Variants in IL1RAPL2 observed in about 807,000 individuals in gnomAD.
IL1RAPL2 encodes X-linked interleukin-1 receptor accessory protein-like 2.
IL1RAPL2 carries 3 observed loss-of-function variants against 44.1 expected under a neutral mutation model. That is an observed-to-expected ratio of 0.07 (90% CI 0.03 to 0.18). The LOEUF (loss-of-function observed/expected upper bound fraction) is 0.18. IL1RAPL2 is among the 10% of genes least tolerant of loss of function. The pLI, the probability that IL1RAPL2 is intolerant of heterozygous loss-of-function variation, is 1.00. For missense variants in IL1RAPL2, 391 were observed against 496.4 expected (o/e 0.79, Z 2.02); for synonymous variants, 181 against 178.8 (o/e 1.01, Z -0.10).
At chrX:105,450,906 G>A (rs2036014802) in intron 5 of IL1RAPL2, among the ~76,000 whole-genome samples, 1 of 95,357 alleles carries the variant, frequency 1.0e-5, no homozygotes, top group Non-Finnish European at 1.9e-5. Flanking sequence ...TCTTAGGTCC[G>A]AGTGTGTGTG....
chrX:105,082,171 C>G (rs750244549), intron 2 of IL1RAPL2, among the ~76,000 whole-genome samples: 13 of 111,458 alleles, frequency 1.2e-4, no homozygotes, highest in African/African-American at 4.2e-4. Flanking sequence ...TTGCTCTACT[C>G]GGAGATCCAA....
intron 2 of IL1RAPL2, among the ~76,000 whole-genome samples, chrX:104,728,364 T>C (rs1931838170): frequency 9.0e-6 from 1 of 111,133 alleles, no homozygotes; most frequent in Non-Finnish European, 1.9e-5. Flanking sequence ...ACAGTGAAAT[T>C]GGTAAATAGA....
intron 6 of IL1RAPL2, among the ~76,000 whole-genome samples, chrX:105,512,121 G>C (rs2036474852): frequency 1.8e-5 from 2 of 111,178 alleles, no homozygotes; most frequent in African/African-American, 6.5e-5. Flanking sequence ...ATTTCTGGGT[G>C]AAAAACTGTC....
chrX:104,981,590 C>T (rs2030440755), intron 2 of IL1RAPL2, among the ~76,000 whole-genome samples: 1 of 110,394 alleles, frequency 9.1e-6, no homozygotes, highest in Non-Finnish European at 1.9e-5. Context: ...CCTGATTTAT[C>T]TGGTTAGGAC....
intron 2 of IL1RAPL2, among the ~76,000 whole-genome samples, chrX:104,880,293 A>T (rs1014411949): frequency 9.0e-6 from 1 of 111,202 alleles, no homozygotes; most frequent in Non-Finnish European, 1.9e-5. Flanking sequence ...TCTATAAGAC[A>T]GCCCTGCCAG....
Position 104,699,952 on chromosome X carries a change from G to A in IL1RAPL2, c.82+40957G>A, listed in dbSNP as rs181785495. On this transcript the variant is annotated intron_variant, in intron 2 of 10. Coordinates refer to ENST00000372582, the MANE Select transcript of IL1RAPL2 (RefSeq NM_017416.2). ...ATTTTAAGAAATTGTTGAGGAAGTTGTATATATGACTTTTGCTCAGAAGCC... is the reference window on the plus strand; with the variant it reads ...ATTTTAAGAAATTGTTGAGGAAGTTATATATATGACTTTTGCTCAGAAGCC... 4.3e-3 allele frequency among the ~76,000 whole-genome samples: 479 copies of A among 111,250 alleles called. 2 individuals are homozygous for A. Among genetic ancestry groups the A allele is most frequent in the African/African-American group, 0.015 (454 of 30,642 alleles).
intron 6 of IL1RAPL2, among the ~76,000 whole-genome samples, chrX:105,588,355 A>G (rs1347633909): frequency 8.9e-6 from 1 of 111,837 alleles, no homozygotes; most frequent in African/African-American, 3.2e-5. Flanking sequence ...ATTCTTAGAT[A>G]AAGACAAAAT....
intron 2 of IL1RAPL2, among the ~76,000 whole-genome samples, chrX:105,008,939 G>T (rs2030994312): frequency 8.9e-6 from 1 of 111,760 alleles, no homozygotes; most frequent in Non-Finnish European, 1.9e-5. Flanking sequence ...GTGGGTGAAG[G>T]ATATTAGCAG....
At chrX:105,190,238 G>A (rs2033622303) in intron 2 of IL1RAPL2, among the ~76,000 whole-genome samples, 1 of 111,435 alleles carries the variant, frequency 9.0e-6, no homozygotes, top group Non-Finnish European at 1.9e-5. Flanking sequence ...GGGGGATGGG[G>A]GTGTAGCCTG....
At chrX:105,164,592 T>C (rs2033355842) in intron 2 of IL1RAPL2, among the ~76,000 whole-genome samples, 1 of 112,399 alleles carries the variant, frequency 8.9e-6, no homozygotes, top group Non-Finnish European at 1.9e-5. Context: ...TTGCAATGGT[T>C]AGCATACTTC....
chrX:105,016,104 GCTCT>G (rs1348226575), intron 2 of IL1RAPL2, among the ~76,000 whole-genome samples: 1 of 110,925 alleles, frequency 9.0e-6, no homozygotes, highest in African/African-American at 3.3e-5. Flanking sequence ...TCATGATCTG[GCTCT>G]CTGTTTGTCT....
At chrX:104,655,806 C>A (rs935903633) in intron 1 of IL1RAPL2, among the ~76,000 whole-genome samples, 1 of 111,172 alleles carries the variant, frequency 9.0e-6, no homozygotes. Flanking sequence ...AGGTCCTGGA[C>A]TTTTTTTGGT....
intron 5 of IL1RAPL2, among the ~76,000 whole-genome samples, chrX:105,280,784 G>T (rs1274751398): frequency 9.0e-6 from 1 of 110,968 alleles, no homozygotes; most frequent in East Asian, 2.8e-4. Flanking sequence ...AACAGATGCT[G>T]GAGAGGATGC....
At chrX:105,334,842 G>T (rs2035015516) in intron 5 of IL1RAPL2, among the ~76,000 whole-genome samples, 1 of 110,494 alleles carries the variant, frequency 9.1e-6, no homozygotes, top group Non-Finnish European at 1.9e-5. Context: ...GTACGTACTT[G>T]TGTGCACAAC....
Position 105,167,404 on chromosome X carries a change from T to C in IL1RAPL2, c.83-28071T>C, listed in dbSNP as rs374459023. Among the ~76,000 whole-genome samples the C allele has an allele frequency of 2.7e-4, 30 of 112,460 alleles. No individual in the cohort carries two copies. The South Asian group carries it at 0.011, about 40-fold the overall frequency. On this transcript the variant is annotated intron_variant, in intron 2 of 10. Coordinates refer to ENST00000372582, the MANE Select transcript of IL1RAPL2 (RefSeq NM_017416.2). ...TTTACTTGGTCAATTTTGTTTTTCC[T>C]TCTTCAGACCTGTTTATCATGGACT... is the stretch of plus-strand genomic sequence containing the variant.
At chrX:104,851,248 CA>C (rs1351857134) in intron 2 of IL1RAPL2, among the ~76,000 whole-genome samples, 3 of 111,407 alleles carry the variant, frequency 2.7e-5, no homozygotes, top group African/African-American at 9.8e-5. Flanking sequence ...AAAATGACAC[CA>C]AAATCAGAAT....
intron 2 of IL1RAPL2, among the ~76,000 whole-genome samples, chrX:104,882,996 G>A (rs1449105830): frequency 9.0e-6 from 1 of 111,260 alleles, no homozygotes; most frequent in Non-Finnish European, 1.9e-5. Context: ...CTGGAAGGAA[G>A]AAACTCCAGA....
chrX:104,940,967 A>C (rs1490510164), intron 2 of IL1RAPL2, among the ~76,000 whole-genome samples: 2 of 101,796 alleles, frequency 2.0e-5, no homozygotes, highest in African/African-American at 7.3e-5. Flanking sequence ...ATGAGTGAGA[A>C]CATGTGGTGT....
intron 2 of IL1RAPL2, among the ~76,000 whole-genome samples, chrX:104,944,220 TACC>T: frequency 8.9e-6 from 1 of 112,058 alleles, no homozygotes; most frequent in Non-Finnish European, 1.9e-5. Flanking sequence ...TGAATATTTA[TACC>T]TCCTCTAGTA....
Sources: gnomAD v4.1 joint callset for allele counts (sites outside exome capture counted in the v4.1 genomes callset) on GRCh38, gnomAD v4.1.1 for gene constraint, MANE v1.5 for transcripts, NCBI Gene and HGNC (gene_info 2026-07-23, HGNC 2026-07-21) for gene names.